KCNIP4: variants seen among roughly 807,000 people sequenced by gnomAD.
KCNIP4 encodes potassium voltage-gated channel interacting protein 4.
In KCNIP4, 12 loss-of-function variants were observed where a neutral mutation model predicts 34.0. That is an observed-to-expected ratio of 0.35 (90% CI 0.23 to 0.57). The LOEUF (loss-of-function observed/expected upper bound fraction) is 0.57. Among genes scored for constraint, KCNIP4 ranks in the 20% least tolerant of loss-of-function variants. The pLI is 0.83. For missense variants in KCNIP4, 238 were observed against 311.7 expected, an observed-to-expected ratio of 0.76 and a Z score of 1.78; for synonymous variants, 124 against 102.2, an observed-to-expected ratio of 1.21 and a Z score of -1.29.
At chr4:21,355,846 C>CA (rs1419720830) in intron 1 of KCNIP4, among the ~76,000 whole-genome samples, 5 of 151,944 alleles carry the variant, frequency 3.3e-5, no homozygotes, top group African/African-American at 9.7e-5. Context: ...AGAGACACAA[C>CA]AAAAAAAGAG....
At chr4:21,056,556 C>T (rs955486700) in intron 1 of KCNIP4, among the ~76,000 whole-genome samples, 4 of 152,264 alleles carry the variant, frequency 2.6e-5, no homozygotes, top group Non-Finnish European at 4.4e-5. Context: ...TGCATTCATT[C>T]ATTTGCCCTA....
intron 1 of KCNIP4, among the ~76,000 whole-genome samples, chr4:21,798,514 A>G (rs1462698319): frequency 2.0e-3 from 52 of 25,746 alleles, no homozygotes; most frequent in African/African-American, 6.9e-3. Flanking sequence ...GACCCTGGGA[A>G]AAAAAAAAAA....
At position 20,736,685 on chromosome 4, in the gene KCNIP4, C is replaced by T. The variant is rs1035780109; in HGVS notation, c.430-1950G>A. Among the ~76,000 whole-genome samples, 132 of 152,056 alleles carry T rather than the reference C, an allele frequency of 8.7e-4. 1 individual carries two copies. Among genetic ancestry groups the T allele is most frequent in the Non-Finnish European group, 1.2e-4 (8 of 68,018 alleles). On this transcript the variant is annotated intron_variant, in intron 5 of 8. Transcript: ENST00000382152. ...TTGAACTTGAGAATATTTCAATTCG[C>T]TTTTAAGCATGATACTTACTTTTAT...
intron 1 of KCNIP4, among the ~76,000 whole-genome samples, chr4:21,135,194 C>T (rs1297477975): frequency 6.6e-6 from 1 of 152,212 alleles, no homozygotes; most frequent in Non-Finnish European, 1.5e-5. Flanking sequence ...TTGCTGCTCT[C>T]TGCTGGTCAA....
At chr4:21,760,463 TA>T (rs1717974408) in intron 1 of KCNIP4, among the ~76,000 whole-genome samples, 1 of 152,166 alleles carries the variant, frequency 6.6e-6, no homozygotes, top group African/African-American at 2.4e-5. Context: ...TTTATTAAAG[TA>T]AAATTCTAAA....
At position 21,948,519 on chromosome 4, in the gene KCNIP4, G is replaced by C. The variant is rs1349952939; in HGVS notation, c.61+52C>G. 7 of 1,577,132 alleles carry C rather than the reference G, an allele frequency of 4.4e-6. No homozygotes were observed. In the South Asian group the frequency reaches 6.9e-5, roughly 16 times the overall value. On this transcript the variant is annotated intron_variant, in intron 1 of 8. Transcript: ENST00000382152. ...GGAAGGGGCAGCCGTCTTGGCTCGC[G>C]AGGGAAGGAGGGCGGAAGCGGGCGC...
chr4:21,065,726 C>CATTATATATATATA, intron 1 of KCNIP4, among the ~76,000 whole-genome samples: 1 of 86,352 alleles, frequency 1.2e-5, no homozygotes, highest in African/African-American at 4.3e-5. Context: ...TATCATTTGT[C>CATTATATATATATA]TATATATATA....
chr4:21,560,568 G>C (rs1439063551), intron 1 of KCNIP4, among the ~76,000 whole-genome samples: 2 of 151,980 alleles, frequency 1.3e-5, no homozygotes, highest in African/African-American at 2.4e-5. Flanking sequence ...GCAACTTTTT[G>C]TGACTTGAGC....
chr4:21,056,292 T>C (rs1181569819), intron 1 of KCNIP4, among the ~76,000 whole-genome samples: 1 of 152,192 alleles, frequency 6.6e-6, no homozygotes, highest in African/African-American at 2.4e-5. Flanking sequence ...TGAAATTTCC[T>C]CACAGCTTAT....
intron 1 of KCNIP4, among the ~76,000 whole-genome samples, chr4:21,877,929 C>A (rs1259609333): frequency 6.6e-6 from 1 of 152,200 alleles, no homozygotes; most frequent in Admixed American, 6.5e-5. Context: ...CTTCTCAGAA[C>A]AATTCAGATA....
intron 1 of KCNIP4, among the ~76,000 whole-genome samples, chr4:21,937,892 C>T (rs1729954441): frequency 6.6e-6 from 1 of 152,048 alleles, no homozygotes; most frequent in Non-Finnish European, 1.5e-5. Context: ...TTGACTACGT[C>T]ACCAGTTATA....
intron 5 of KCNIP4, among the ~76,000 whole-genome samples, chr4:20,748,560 TTATATA>T (rs3075750): frequency 0.054 from 3,481 of 63,980 alleles, 67 homozygotes; most frequent in African/African-American, 0.073. Context: ...CTTCCAAATT[TTATATA>T]TATATATATA....
At chr4:20,993,866 C>G (rs1737304103) in intron 1 of KCNIP4, among the ~76,000 whole-genome samples, 1 of 152,152 alleles carries the variant, frequency 6.6e-6, no homozygotes, top group Non-Finnish European at 1.5e-5. Flanking sequence ...GACCACGTTC[C>G]TATTGGAGGA....
Position 20,871,914 on chromosome 4 carries a change from G to A in KCNIP4, c.163+10694C>T, listed in dbSNP as rs137916866. Among the ~76,000 whole-genome samples the A allele has an allele frequency of 2.0e-5, 3 of 152,264 alleles. No homozygotes were observed. In the East Asian group the frequency reaches 5.8e-4, roughly 29 times the overall value. On this transcript the variant is annotated intron_variant, in intron 2 of 8. Coordinates refer to ENST00000382152, the MANE Select transcript of KCNIP4 (RefSeq NM_025221.6). ...TTATTAAGTGAAAAGAGTTGGAAGT[G>A]AGTTCAGAGAACTCAGGAAAAATGC...
At chr4:21,382,726 T>C (rs1319120871) in intron 1 of KCNIP4, among the ~76,000 whole-genome samples, 1 of 152,204 alleles carries the variant, frequency 6.6e-6, no homozygotes, top group Non-Finnish European at 1.5e-5. Context: ...GCTGAACCCA[T>C]GGCTCAAATC....
At chr4:20,785,652 A>G (rs2149397761) in intron 3 of KCNIP4, among the ~76,000 whole-genome samples, 1 of 152,320 alleles carries the variant, frequency 6.6e-6, no homozygotes, top group East Asian at 1.9e-4. Flanking sequence ...TGAATTTTGG[A>G]AAAATTTGAT....
chr4:21,155,647 T>C (rs1194478050), intron 1 of KCNIP4, among the ~76,000 whole-genome samples: 3 of 152,044 alleles, frequency 2.0e-5, no homozygotes, highest in Admixed American at 2.0e-4. Flanking sequence ...AGTAATATAG[T>C]CTGGACTGGA....
chr4:21,801,902 T>C (rs1219320086), intron 1 of KCNIP4, among the ~76,000 whole-genome samples: 8 of 149,738 alleles, frequency 5.3e-5, no homozygotes, highest in Admixed American at 3.3e-4. Flanking sequence ...AGAGAAGTCA[T>C]CAAGAAAAAA....
intron 1 of KCNIP4, among the ~76,000 whole-genome samples, chr4:21,600,851 C>A (rs750689599): frequency 4.6e-5 from 7 of 152,038 alleles, no homozygotes; most frequent in Non-Finnish European, 1.0e-4. Flanking sequence ...AATTGGATTT[C>A]CAGCCTTGCC....
Sources: allele counts gnomAD v4.1 joint callset (sites outside exome capture counted in the v4.1 genomes callset), GRCh38; gene constraint gnomAD v4.1.1; transcripts MANE v1.5; gene names NCBI Gene and HGNC (gene_info 2026-07-23, HGNC 2026-07-21).